The following F2 variants were observed in gnomAD, a reference collection of about 807,000 sequenced individuals.
F2 encodes the protein coagulation factor II, thrombin, also known as prothrombin.
In F2, 34 loss-of-function variants were observed where a neutral mutation model predicts 81.9. The observed-to-expected ratio is 0.42, with a 90% CI of 0.32 to 0.55. The LOEUF (loss-of-function observed/expected upper bound fraction) is 0.55. Ranked by LOEUF, F2 falls within the 20% of genes least tolerant of loss-of-function variation. The pLI is 0.18. For missense variants in F2, 630 were observed against 833.4 expected (o/e 0.76, Z 3.00); for synonymous variants, 296 against 326.4 (o/e 0.91, Z 1.01).
Position 46,739,362 on chromosome 11 carries a change from G to A in F2, c.1823G>A (p.Arg608His), listed in dbSNP as rs758608905. The A allele has an allele frequency of 1.8e-5, 29 of 1,614,042 alleles. No individual in the cohort carries two copies. Among genetic ancestry groups the A allele is most frequent in the African/African-American group, 6.7e-5 (5 of 74,906 alleles). Residue 608 changes from arginine to histidine, a missense_variant, in exon 14 of 14, where the codon CGC (arginine) becomes CAC (histidine). Transcript: ENST00000311907. Reference sequence around the variant, plus strand: ...TATGGCTTCTACACACATGTGTTCCGCCTGAAGAAGTGGATACAGAAGGTC... The same window carrying A: ...TATGGCTTCTACACACATGTGTTCCACCTGAAGAAGTGGATACAGAAGGTC... ...GKYGFYTHVF[R>H]LKKWIQKVID...
Position 46,726,734 on chromosome 11 carries a change from G to T in F2, c.1027G>T (p.Glu343Ter). The change falls in exon 9 of 14, where the codon GAG (glutamate) becomes TAG (stop). Residue 343 changes from glutamate to a stop codon, truncating the protein, a stop_gained. Transcript: ENST00000311907. LOFTEE classifies it high-confidence loss of function. The surrounding 1 kb of genome is among the most constrained non-coding windows in gnomAD (Gnocchi z 5.9). ...EADCGLRPLF[E>*]KKSLEDKTER... ...AGACTGTGGGCTGCGACCTCTGTTC[G>T]AGAAGAAGTCGCTGGAGGACAAAAC... The T allele has an allele frequency of 6.2e-7, 1 of 1,614,228 alleles. No homozygotes were observed. The highest frequency in any genetic ancestry group is 8.5e-7 in the Non-Finnish European group (1 of 1,180,046).
At chr11:46,732,163 C>T (rs2064917369) in intron 12 of F2, among the ~76,000 whole-genome samples, 1 of 151,948 alleles carries the variant, frequency 6.6e-6, no homozygotes, top group Non-Finnish European at 1.5e-5. Flanking sequence ...ATCCGTCTGC[C>T]TCAGCCTCCC....
chr11:46,725,826 C>G (rs1252396813), intron 6 of F2, 33 bp from the exon 7 acceptor site: 7 of 1,609,408 alleles, frequency 4.3e-6, no homozygotes, highest in African/African-American at 4.0e-5. Flanking sequence ...TGGTCTCACT[C>G]ACTCTGCTGC....
chr11:46,730,126 C>A (rs1483902972), intron 12 of F2, among the ~76,000 whole-genome samples: 1 of 152,090 alleles, frequency 6.6e-6, no homozygotes, highest in Non-Finnish European at 1.5e-5. Flanking sequence ...ATGGTGAAAC[C>A]CCGTCTCTAC....
chr11:46,738,584 C>T (rs1156380916), intron 12 of F2, among the ~76,000 whole-genome samples: 1 of 152,158 alleles, frequency 6.6e-6, no homozygotes, highest in African/African-American at 2.4e-5. Flanking sequence ...AGTGATCCTC[C>T]TCTCTTAGCC....
intron 12 of F2, among the ~76,000 whole-genome samples, chr11:46,731,912 G>GTTTTTTTTTTTTTTTTTTTTTTTTTTTT (rs71042616): frequency 5.7e-5 from 5 of 88,156 alleles, no homozygotes; most frequent in African/African-American, 2.2e-4. Context: ...ACACTTTGAT[G>GTTTTTTTTTTTTTTTTTTTTTTTTTTTT]TTTTTTTTTT....
intron 6 of F2, among the ~76,000 whole-genome samples, chr11:46,724,955 A>G (rs1446394577): frequency 1.3e-5 from 2 of 151,054 alleles, no homozygotes; most frequent in Non-Finnish European, 2.9e-5. Flanking sequence ...TTATGTTAGT[A>G]GAGACGGGGT....
At chr11:46,720,702 T>A in intron 3 of F2, 88 bp from the exon 4 acceptor site, 1 of 1,547,450 alleles carries the variant, frequency 6.5e-7, no homozygotes, top group Middle Eastern at 1.7e-4. Flanking sequence ...TCCATCTTTC[T>A]GTTTCTCACC....
intron 12 of F2, 47 bp downstream of exon 12, chr11:46,729,608 G>C (rs199529528): frequency 1.9e-6 from 3 of 1,594,062 alleles, no homozygotes; most frequent in Non-Finnish European, 2.6e-6. Flanking sequence ...GCCCAAGCTG[G>C]GAGAACTGAG....
At chr11:46,730,742 C>T (rs1157775159) in intron 12 of F2, among the ~76,000 whole-genome samples, 1 of 149,858 alleles carries the variant, frequency 6.7e-6, no homozygotes, top group Non-Finnish European at 1.5e-5. Flanking sequence ...TTCCTGTATA[C>T]TGTCATCCAG....
rs2064831331 is a variant in F2 at position 46,720,813 on chromosome 11, C to T, written c.289C>T (p.Arg97Ter). ...AGCTTGTGAGACAGCGAGGACGCCT[C>T]GAGATAAGCTTGCTGCATGTCTGGA... is the stretch of plus-strand genomic sequence containing the variant. Reference protein sequence around the residue: ...YTACETARTPRDKLAACLEGN... With the variant: ...YTACETARTP Residue 97 changes from arginine to a stop codon, truncating the protein, a stop_gained, in exon 4 of 14, where the codon CGA becomes TGA. Transcript: ENST00000311907. LOFTEE classifies it high-confidence loss of function. 6.2e-7 allele frequency: 1 copy of T among 1,613,902 alleles called. No homozygotes were observed. Among genetic ancestry groups the T allele is most frequent in the Non-Finnish European group, 8.5e-7 (1 of 1,180,030 alleles).
rs554009916 is a variant in F2, at chr11:46,736,290, A to G, written c.1655-2758A>G. On this transcript the variant is annotated intron_variant, in intron 12 of 13. Coordinates refer to ENST00000311907, the MANE Select transcript of F2 (RefSeq NM_000506.5). ...TCTAGATTGTATCTTATTTTCATTT[A>G]TTTATTTGAAATATAGACAAGTCTC... Among the ~76,000 whole-genome samples, 520 of 152,256 alleles carry G rather than the reference A, an allele frequency of 3.4e-3. 1 individual carries two copies. Among genetic ancestry groups the G allele is most frequent in the Non-Finnish European group, 4.8e-3 (326 of 68,018 alleles).
chr11:46,731,912 G>GTTTTTTTTTTTTTTTTTTTTTTTTTTTTT (rs71042616), intron 12 of F2, among the ~76,000 whole-genome samples: 1 of 88,156 alleles, frequency 1.1e-5, no homozygotes, highest in African/African-American at 4.4e-5. Flanking sequence ...ACACTTTGAT[G>GTTTTTTTTTTTTTTTTTTTTTTTTTTTTT]TTTTTTTTTT....
At chr11:46,737,096 C>A (rs2064948555) in intron 12 of F2, among the ~76,000 whole-genome samples, 1 of 151,952 alleles carries the variant, frequency 6.6e-6, no homozygotes, top group Admixed American at 6.6e-5. Context: ...TGCCGGTTTT[C>A]TCAAAACAAA....
intron 12 of F2, among the ~76,000 whole-genome samples, chr11:46,738,570 C>T (rs3136512): frequency 0.41 from 62,106 of 151,960 alleles, 14,799 homozygotes; most frequent in Non-Finnish European, 0.53. Flanking sequence ...ACCTCCCAGG[C>T]GCAAGTGATC....
At chr11:46,729,988 A>AC (rs2064901044) in intron 12 of F2, among the ~76,000 whole-genome samples, 1 of 152,108 alleles carries the variant, frequency 6.6e-6, no homozygotes, top group Non-Finnish European at 1.5e-5. Flanking sequence ...GCAATCCCTG[A>AC]CCAGTGCTGT....
chr11:46,729,608 G>A (rs199529528), intron 12 of F2, 47 bp downstream of exon 12: 6 of 1,594,062 alleles, frequency 3.8e-6, no homozygotes, highest in Non-Finnish European at 5.1e-6. Flanking sequence ...GCCCAAGCTG[G>A]GAGAACTGAG....
intron 4 of F2, among the ~76,000 whole-genome samples, chr11:46,721,929 G>A (rs1466311176): frequency 2.7e-5 from 4 of 149,006 alleles, no homozygotes; most frequent in East Asian, 3.9e-4. Flanking sequence ...TGCAACCTCC[G>A]CCTAGCGGAT....
chr11:46,730,311 A>G (rs928743890), intron 12 of F2, among the ~76,000 whole-genome samples: 6 of 151,988 alleles, frequency 3.9e-5, no homozygotes, highest in Non-Finnish European at 7.4e-5. Flanking sequence ...TCGATCGATC[A>G]ATCAATCAAT....
Sources: gnomAD v4.1 joint callset for allele counts (sites outside exome capture counted in the v4.1 genomes callset) on GRCh38, gnomAD v4.1.1 for gene constraint, Gnocchi (gnomAD v3.1) non-coding constraint, MANE v1.5 for transcripts, NCBI Gene and HGNC (gene_info 2026-07-23, HGNC 2026-07-21) for gene names.